NRXN3: variants seen among roughly 807,000 people sequenced by gnomAD.
NRXN3 encodes neurexin 3.
A neutral mutation model predicts 137.6 loss-of-function variants in NRXN3; 32 were observed. The ratio of observed to expected loss-of-function variants is 0.23; its 90% confidence interval spans 0.18 to 0.31. The LOEUF (loss-of-function observed/expected upper bound fraction) is 0.31. NRXN3 is among the 10% of genes least tolerant of loss of function. NRXN3 has a pLI of 1.00. For synonymous variants in NRXN3, 798 were observed against 784.5 expected, an observed-to-expected ratio of 1.02 and a Z score of -0.29; for missense variants, 1,574 against 2,062.5, an observed-to-expected ratio of 0.76 and a Z score of 4.59.
chr14:79,017,664 T>C (rs1388460680), intron 15 of NRXN3, among the ~76,000 whole-genome samples: 1 of 152,114 alleles, frequency 6.6e-6, no homozygotes, highest in Non-Finnish European at 1.5e-5. Flanking sequence ...CTATGCTATA[T>C]ATATAATGAG....
At chr14:78,995,346 G>T (rs1048742590) in intron 15 of NRXN3, among the ~76,000 whole-genome samples, 5 of 152,134 alleles carry the variant, frequency 3.3e-5, no homozygotes, top group African/African-American at 1.2e-4. Context: ...TGTTGACCTA[G>T]ATCTTCTGAT....
At chr14:78,605,191 G>GCTTC (rs2097238983) in intron 4 of NRXN3, among the ~76,000 whole-genome samples, 4 of 152,040 alleles carry the variant, frequency 2.6e-5, no homozygotes, top group African/African-American at 9.7e-5. Context: ...CTTCCCTCAG[G>GCTTC]CTCAAGAGGA....
rs2060568339 is a variant in NRXN3, at chr14:78,189,989, A to G, written c.-704+19315A>G. Among the ~76,000 whole-genome samples the G allele has an allele frequency of 2.0e-5, 3 of 152,180 alleles. No individual in the cohort carries two copies. The South Asian group carries it at 6.2e-4, about 32-fold the overall frequency. On this transcript the variant is annotated intron_variant, in intron 1 of 20. Transcript: ENST00000335750. The stretch of plus-strand genomic sequence containing the variant: ...CCCTTGCCACCATCTGACGTGTTAC[A>G]CATGTGTTTATTTTGCTTATCACTT...
intron 20 of NRXN3, among the ~76,000 whole-genome samples, chr14:79,828,814 A>C (rs1261695443): frequency 6.6e-6 from 1 of 152,006 alleles, no homozygotes; most frequent in Non-Finnish European, 1.5e-5. Flanking sequence ...AGCCTGATTG[A>C]GAGAGACTCA....
chr14:79,030,221 T>C (rs1285947576), intron 15 of NRXN3, among the ~76,000 whole-genome samples: 1 of 151,694 alleles, frequency 6.6e-6, no homozygotes, highest in East Asian at 1.9e-4. Context: ...CTCTACATAG[T>C]AGATGCCAGT....
chr14:79,570,537 G>A (rs2097589479), intron 16 of NRXN3: 1 of 152,146 alleles, frequency 6.6e-6, no homozygotes. Context: ...GAAAATATGT[G>A]CGGAACAGAC....
At chr14:78,504,605 A>G (rs908020726) in intron 4 of NRXN3, among the ~76,000 whole-genome samples, 12 of 152,170 alleles carry the variant, frequency 7.9e-5, no homozygotes, top group African/African-American at 2.9e-4. Context: ...TGATAAAGGT[A>G]GCCCTCAAAC....
intron 15 of NRXN3, among the ~76,000 whole-genome samples, chr14:79,447,618 A>T (rs551899722): frequency 6.6e-6 from 1 of 152,338 alleles, no homozygotes; most frequent in African/African-American, 2.4e-5. Flanking sequence ...GTGACCATTC[A>T]GTCTCTACTA....
chr14:79,291,833 G>A (rs1039870666), intron 15 of NRXN3, among the ~76,000 whole-genome samples: 3 of 151,692 alleles, frequency 2.0e-5, no homozygotes, highest in African/African-American at 7.3e-5. Flanking sequence ...GGAATACTGG[G>A]CCATTTTTAA....
At chr14:79,021,271 G>C (rs1408010943) in intron 15 of NRXN3, among the ~76,000 whole-genome samples, 1 of 152,102 alleles carries the variant, frequency 6.6e-6, no homozygotes, top group East Asian at 1.9e-4. Flanking sequence ...TTGCAGGTGC[G>C]GGTCTGGGAC....
intron 19 of NRXN3, among the ~76,000 whole-genome samples, chr14:79,702,046 A>ATAGTT (rs896745321): frequency 6.6e-6 from 1 of 151,972 alleles, no homozygotes; most frequent in African/African-American, 2.4e-5. Flanking sequence ...AGTAGTGGCT[A>ATAGTT]TAGTTTAGAG....
chr14:79,702,261 C>T (rs1452591751), intron 19 of NRXN3, among the ~76,000 whole-genome samples: 1 of 151,990 alleles, frequency 6.6e-6, no homozygotes, highest in Non-Finnish European at 1.5e-5. Flanking sequence ...TCTGTCTATC[C>T]ACATGTCTTT....
chr14:78,774,576 G>A (rs1302748666), intron 8 of NRXN3, among the ~76,000 whole-genome samples: 1 of 152,124 alleles, frequency 6.6e-6, no homozygotes, highest in Non-Finnish European at 1.5e-5. Context: ...ACTCATTGAG[G>A]TGGATACTAT....
At chr14:78,649,500 T>C (rs2152615974) in intron 5 of NRXN3, among the ~76,000 whole-genome samples, 1 of 151,862 alleles carries the variant, frequency 6.6e-6, no homozygotes, top group East Asian at 1.9e-4. Flanking sequence ...AAATGATATT[T>C]GGTTGAATTT....
At chr14:78,549,922 T>G (rs923293959) in intron 4 of NRXN3, among the ~76,000 whole-genome samples, 1 of 152,188 alleles carries the variant, frequency 6.6e-6, no homozygotes, top group African/African-American at 2.4e-5. Flanking sequence ...TGTCGATACT[T>G]TATCATCATT....
rs142803331 is a variant in NRXN3, at chr14:78,358,395, C to G, written c.757+60535C>G. On this transcript the variant is annotated intron_variant, in intron 4 of 20. Coordinates refer to ENST00000335750, the MANE Select transcript of NRXN3 (RefSeq NM_001330195.2). Reference sequence around the variant, plus strand: ...GCAACAAAGTTGTGGAACCAGGATTCTAACCCATGAGATTTACCTACAAAG... The same window carrying G: ...GCAACAAAGTTGTGGAACCAGGATTGTAACCCATGAGATTTACCTACAAAG... Among the ~76,000 whole-genome samples the G allele has an allele frequency of 1.7e-3, 264 of 152,324 alleles. 1 individual carries two copies. Among genetic ancestry groups the G allele is most frequent in the Middle Eastern group, 6.8e-3 (2 of 294 alleles).
chr14:79,454,974 T>C (rs2096238827), intron 15 of NRXN3, among the ~76,000 whole-genome samples: 1 of 152,222 alleles, frequency 6.6e-6, no homozygotes, highest in African/African-American at 2.4e-5. Context: ...TTTTTGTAAG[T>C]GAAATTAAAG....
At chr14:79,208,129 G>T (rs1341487592) in intron 15 of NRXN3, among the ~76,000 whole-genome samples, 1 of 152,166 alleles carries the variant, frequency 6.6e-6, no homozygotes, top group Non-Finnish European at 1.5e-5. Context: ...CCCAAAGAGT[G>T]TTATTTGAAG....
chr14:79,525,047 G>A (rs1042329981), intron 16 of NRXN3, among the ~76,000 whole-genome samples: 1 of 152,112 alleles, frequency 6.6e-6, no homozygotes, highest in Non-Finnish European at 1.5e-5. Context: ...TTTCTGCGTG[G>A]TCAGTTTTTA....
Sources: allele counts gnomAD v4.1 joint callset (sites outside exome capture counted in the v4.1 genomes callset), GRCh38; gene constraint gnomAD v4.1.1; transcripts MANE v1.5; gene names NCBI Gene and HGNC (gene_info 2026-07-23, HGNC 2026-07-21).